The following NRXN3 variants were observed in gnomAD, a reference collection of about 807,000 sequenced individuals.
The protein encoded by NRXN3 is neurexin III.
Under a neutral mutation model 137.6 loss-of-function variants are expected in NRXN3, and 32 were observed. The ratio of observed to expected loss-of-function variants is 0.23; its 90% CI spans 0.18 to 0.31. The LOEUF (loss-of-function observed/expected upper bound fraction) is 0.31. Among genes scored for constraint, NRXN3 ranks in the 10% least tolerant of loss-of-function variants. The pLI is 1.00. For synonymous variants in NRXN3, 798 were observed against 784.5 expected, an observed-to-expected ratio of 1.02 and a Z score of -0.29; for missense variants, 1,574 against 2,062.5, an observed-to-expected ratio of 0.76 and a Z score of 4.59.
At chr14:79,048,276 C>T (rs1167935488) in intron 15 of NRXN3, among the ~76,000 whole-genome samples, 1 of 152,080 alleles carries the variant, frequency 6.6e-6, no homozygotes, top group Non-Finnish European at 1.5e-5. Context: ...CAGGAAGGGG[C>T]ATGAGAGAGC....
chr14:79,043,684 G>A (rs1207100865), intron 15 of NRXN3, among the ~76,000 whole-genome samples: 2 of 152,138 alleles, frequency 1.3e-5, no homozygotes, highest in Non-Finnish European at 2.9e-5. Flanking sequence ...GGTGGTGGCG[G>A]CAGTGTGGCT....
chr14:78,639,308 G>A (rs2097594898), intron 4 of NRXN3, among the ~76,000 whole-genome samples: 1 of 152,198 alleles, frequency 6.6e-6, no homozygotes, highest in South Asian at 2.1e-4. Context: ...AAGGCTGCAT[G>A]CTACAATGAG....
intron 4 of NRXN3, among the ~76,000 whole-genome samples, chr14:78,484,699 C>A (rs549178333): frequency 6.6e-6 from 1 of 152,212 alleles, no homozygotes; most frequent in South Asian, 2.1e-4. Flanking sequence ...TTAGCCACAG[C>A]TATGGTTTAG....
At chr14:78,179,055 T>G (rs1273684450) in intron 1 of NRXN3, among the ~76,000 whole-genome samples, 1 of 152,058 alleles carries the variant, frequency 6.6e-6, no homozygotes, top group Non-Finnish European at 1.5e-5. Context: ...GGTTCTGGCC[T>G]GGAGAGAAGG....
intron 16 of NRXN3, among the ~76,000 whole-genome samples, chr14:79,612,641 G>T: frequency 6.6e-6 from 1 of 152,152 alleles, no homozygotes; most frequent in East Asian, 1.9e-4. Flanking sequence ...TTGGGGCCGG[G>T]AGTTTGAGAC....
At position 79,356,580 on chromosome 14, in the gene NRXN3, T is replaced by C. The variant is rs548906139; in HGVS notation, c.3263-110641T>C. ...ACACTATTAATAGGAACAAATTTAC[T>C]AGCATCTCTTTTACTATGTGTCTTA... On this transcript the variant is annotated intron_variant, in intron 15 of 20. Coordinates refer to ENST00000335750, the MANE Select transcript of NRXN3 (RefSeq NM_001330195.2). Among the ~76,000 whole-genome samples the C allele has an allele frequency of 9.2e-5, 14 of 152,318 alleles. No homozygotes were observed. The South Asian group carries it at 2.9e-3, about 32-fold the overall frequency.
chr14:78,791,233 A>G (rs1040225540), intron 8 of NRXN3, among the ~76,000 whole-genome samples: 5 of 152,234 alleles, frequency 3.3e-5, no homozygotes, highest in Non-Finnish European at 5.9e-5. Flanking sequence ...ATGTTCAGAT[A>G]TACTAATTTG....
intron 10 of NRXN3, among the ~76,000 whole-genome samples, chr14:78,890,955 C>T (rs757199309): frequency 6.6e-6 from 1 of 151,618 alleles, no homozygotes; most frequent in Non-Finnish European, 1.5e-5. Context: ...CATTTTGCTC[C>T]CAAAATATGC....
intron 20 of NRXN3, among the ~76,000 whole-genome samples, chr14:79,827,315 G>T (rs938789525): frequency 5.9e-5 from 9 of 152,096 alleles, no homozygotes; most frequent in Non-Finnish European, 1.0e-4. Flanking sequence ...TTGAGCAGAA[G>T]AGTGTGAAAT....
intron 15 of NRXN3, among the ~76,000 whole-genome samples, chr14:79,125,552 C>T (rs1007455174): frequency 6.6e-6 from 1 of 152,198 alleles, no homozygotes; most frequent in East Asian, 1.9e-4. Context: ...TTAGACAACT[C>T]CAGTTCCTGC....
chr14:79,775,852 A>G (rs1432150197), intron 19 of NRXN3, among the ~76,000 whole-genome samples: 3 of 152,168 alleles, frequency 2.0e-5, no homozygotes, highest in African/African-American at 7.2e-5. Flanking sequence ...TGCAGATTAA[A>G]TTGTTTCCAG....
intron 4 of NRXN3, among the ~76,000 whole-genome samples, chr14:78,548,374 C>G (rs1165194610): frequency 6.6e-6 from 1 of 152,112 alleles, no homozygotes; most frequent in Non-Finnish European, 1.5e-5. Context: ...GGATCATTTC[C>G]CATGACTTGG....
intron 15 of NRXN3, among the ~76,000 whole-genome samples, chr14:79,426,261 A>G (rs1467412539): frequency 6.6e-6 from 1 of 152,136 alleles, no homozygotes; most frequent in African/African-American, 2.4e-5. Flanking sequence ...CACCAGCTAT[A>G]GCAGCTTTCT....
chr14:78,365,022 T>C (rs182561098), intron 4 of NRXN3, among the ~76,000 whole-genome samples: 14 of 152,310 alleles, frequency 9.2e-5, no homozygotes, highest in Middle Eastern at 3.4e-3. Flanking sequence ...AAATGTTGCC[T>C]AGTAATGCAA....
Position 78,714,913 on chromosome 14 carries a change from C to G in NRXN3, c.1818C>G (p.Gly606=), listed in dbSNP as rs765892906. 6.2e-7 allele frequency: 1 copy of G among 1,614,152 alleles called. No individual in the cohort carries two copies. The highest frequency in any genetic ancestry group is 1.1e-5 in the South Asian group (1 of 91,080). The change falls in exon 8 of 21, where the codon GGC becomes GGG. Residue 606 remains glycine, a synonymous_variant. Transcript: ENST00000335750. ...TGTGGACTGCCATGCTCAACTATGG[C>G]TACGTGGGCTGCATCCGCGACCTAT... The part of the protein sequence containing the change: ...TELWTAMLNY[G]YVGCIRDLFI...
At chr14:78,784,615 A>C (rs1179539262) in intron 8 of NRXN3, among the ~76,000 whole-genome samples, 1 of 152,182 alleles carries the variant, frequency 6.6e-6, no homozygotes, top group East Asian at 1.9e-4. Context: ...TGCATTAGGA[A>C]GCATGGGAAG....
Position 78,518,912 on chromosome 14 carries a change from A to G in NRXN3, c.758-126208A>G, listed in dbSNP as rs138788047. ...TCACTGTGGATTTCCTCTCTGTGATATCTTCTGCTCCCCTGGAATCTAGTA... is the reference window on the plus strand; with the variant it reads ...TCACTGTGGATTTCCTCTCTGTGATGTCTTCTGCTCCCCTGGAATCTAGTA... On this transcript the variant is annotated intron_variant, in intron 4 of 20. Coordinates refer to ENST00000335750, the MANE Select transcript of NRXN3 (RefSeq NM_001330195.2). Among the ~76,000 whole-genome samples the G allele has an allele frequency of 3.2e-3, 489 of 152,100 alleles. 4 individuals carry two copies. The highest frequency in any genetic ancestry group is 0.011 in the African/African-American group (465 of 41,474).
At chr14:78,467,797 T>G (rs574181263) in intron 4 of NRXN3, among the ~76,000 whole-genome samples, 2 of 152,114 alleles carry the variant, frequency 1.3e-5, no homozygotes, top group Non-Finnish European at 2.9e-5. Context: ...GTATGAAAAT[T>G]TAGATCACAC....
intron 10 of NRXN3, among the ~76,000 whole-genome samples, chr14:78,910,332 G>A (rs1260993802): frequency 6.6e-6 from 1 of 152,100 alleles, no homozygotes; most frequent in East Asian, 1.9e-4. Context: ...TTTGTGGGGT[G>A]CAGATATAAG....
Sources: gnomAD v4.1 joint callset for allele counts (sites outside exome capture counted in the v4.1 genomes callset) on GRCh38, gnomAD v4.1.1 for gene constraint, MANE v1.5 for transcripts, NCBI Gene and HGNC (gene_info 2026-07-23, HGNC 2026-07-21) for gene names.